The following ZZEF1 variants were observed in gnomAD, a reference collection of about 807,000 sequenced individuals.
ZZEF1 encodes zinc finger ZZ-type and EF-hand domain-containing protein 1.
In ZZEF1, 157 loss-of-function variants were observed where a neutral mutation model predicts 342.8. That is an observed-to-expected ratio of 0.46 (90% CI 0.40 to 0.52). The LOEUF (loss-of-function observed/expected upper bound fraction) is 0.52. ZZEF1 is among the 20% of genes least tolerant of loss of function. The pLI, the probability that ZZEF1 is intolerant of heterozygous loss-of-function variation, is 0.00. For missense variants in ZZEF1, 3,480 were observed against 3,725.6 expected, an observed-to-expected ratio of 0.93 and a Z score of 1.72; for synonymous variants, 1,505 against 1,429.1, an observed-to-expected ratio of 1.05 and a Z score of -1.20.
intron 11 of ZZEF1, 135 bp from the exon 12 acceptor site, chr17:4,090,965 C>T (rs1444871348): frequency 4.5e-6 from 3 of 670,054 alleles, no homozygotes; most frequent in South Asian, 1.7e-5. Context: ...GACTATGGTA[C>T]ATGGTACCCT....
intron 24 of ZZEF1, among the ~76,000 whole-genome samples, chr17:4,073,798 A>G (rs1428182114): frequency 2.0e-5 from 3 of 152,130 alleles, no homozygotes; most frequent in Admixed American, 6.5e-5. Context: ...ATTTACATAA[A>G]TATTCACATA....
rs2058007131 is a variant in ZZEF1 at position 4,094,919 on chromosome 17, C to T, written c.1913+912G>A. The stretch of plus-strand genomic sequence containing the variant: ...TTGCTCTCCTCCAGTCCATACTACA[C>T]ACAACATGATCCTGACCAGTGCTTC... On this transcript the variant is annotated intron_variant, in intron 11 of 54. Coordinates refer to ENST00000381638, the MANE Select transcript of ZZEF1 (RefSeq NM_015113.4). Among the ~76,000 whole-genome samples, 4 of 152,200 alleles carry T rather than the reference C, an allele frequency of 2.6e-5. 1 individual carries two copies. The highest frequency in any genetic ancestry group is 2.6e-4 in the Admixed American group (4 of 15,278).
At position 4,011,711 on chromosome 17, in the gene ZZEF1, A is replaced by T. The variant is rs529396361; in HGVS notation, c.8579+1738T>A. ...TGGATTTTGCTTTTTTTTAAAAAAAATTGCTTTTTCTCTTATGACTTGAAA... is the reference window on the plus strand; with the variant it reads ...TGGATTTTGCTTTTTTTTAAAAAAATTTGCTTTTTCTCTTATGACTTGAAA... On this transcript the variant is annotated intron_variant, in intron 52 of 54. Coordinates refer to ENST00000381638, the MANE Select transcript of ZZEF1 (RefSeq NM_015113.4). Among the ~76,000 whole-genome samples, 1,045 of 152,262 alleles carry T rather than the reference A, an allele frequency of 6.9e-3. 11 individuals carry two copies. Among genetic ancestry groups the T allele is most frequent in the African/African-American group, 0.024 (991 of 41,556 alleles).
chr17:4,106,840 T>G (rs1410082257), intron 6 of ZZEF1, among the ~76,000 whole-genome samples: 1 of 152,206 alleles, frequency 6.6e-6, no homozygotes, highest in African/African-American at 2.4e-5. Flanking sequence ...TAACTCAAAA[T>G]TCTACAACTG....
In ZZEF1 at chr17:4,088,961, AAG is replaced by A. The variant is rs2057893674; in HGVS notation, c.2026-70_2026-69del. 9.3e-6 allele frequency: 14 copies of A among 1,503,086 alleles called. No homozygotes were observed. In the South Asian group the frequency reaches 1.7e-4, roughly 18 times the overall value. The allele number at this position is 1,503,086 out of a possible 1,614,324, so 93.1% of individuals were successfully genotyped here. ...CCTGAATATTGATTAAAGAGGGAAA[AAG>A]GCCTTTCCGGGAAGGTCTTCCTATG... On this transcript the variant is annotated intron_variant, in intron 12 of 54. Transcript: ENST00000381638.
chr17:4,136,605 G>A (rs2058753170), intron 1 of ZZEF1, among the ~76,000 whole-genome samples: 1 of 152,142 alleles, frequency 6.6e-6, no homozygotes, highest in African/African-American at 2.4e-5. Context: ...AGCAGAATGA[G>A]CAGACTCATA....
intron 15 of ZZEF1, among the ~76,000 whole-genome samples, chr17:4,086,107 C>T (rs950875256): frequency 2.6e-5 from 4 of 152,178 alleles, no homozygotes; most frequent in Non-Finnish European, 4.4e-5. Flanking sequence ...ATCTATCAGC[C>T]TCATCTGAGT....
chr17:4,007,513 G>T (rs990366272), intron 54 of ZZEF1, among the ~76,000 whole-genome samples: 22 of 152,182 alleles, frequency 1.4e-4, no homozygotes, highest in Non-Finnish European at 2.8e-4. Flanking sequence ...GGCTGTGGGG[G>T]GGGTCAGAAG....
intron 37 of ZZEF1, among the ~76,000 whole-genome samples, chr17:4,045,311 G>T (rs1324754763): frequency 6.6e-6 from 1 of 152,130 alleles, no homozygotes; most frequent in Non-Finnish European, 1.5e-5. Context: ...GTTCCCAGAG[G>T]AAAAAGACAA....
Position 4,117,480 on chromosome 17 carries a change from T to C in ZZEF1, c.500-314A>G, listed in dbSNP as rs147137435. Among the ~76,000 whole-genome samples the C allele has an allele frequency of 2.2e-4, 34 of 152,004 alleles. 1 individual carries two copies. The East Asian group carries it at 4.1e-3, about 18-fold the overall frequency. On this transcript the variant is annotated intron_variant, in intron 2 of 54. Transcript: ENST00000381638. The stretch of plus-strand genomic sequence containing the variant: ...GGCCAACATGGTGAAACCCCATCTC[T>C]ACTAAAAATACAAAAAAGTTAGCTG...
At chr17:4,019,528 G>A (rs1453592527) in intron 46 of ZZEF1, 141 bp downstream of exon 46, 11 of 675,070 alleles carry the variant, frequency 1.6e-5, no homozygotes, top group South Asian at 3.6e-5. Flanking sequence ...CTCCCACCTC[G>A]CCTTACAAAG....
chr17:4,017,759 G>T lies in ZZEF1; in HGVS notation c.7642-29C>A. 1 of 1,612,828 alleles carries T rather than the reference G, an allele frequency of 6.2e-7. No homozygotes were observed. ...CAAACCCAAGACCACCATTACAGAG[G>T]TCTAGCCTTCTTACAGTGGTGGTAT... On this transcript the variant is annotated intron_variant, in intron 47 of 54. Coordinates refer to ENST00000381638, the MANE Select transcript of ZZEF1 (RefSeq NM_015113.4). This position sits in a 1 kb window ranked among gnomAD's most constrained non-coding sequence, Gnocchi z 5.1.
chr17:4,115,684 T>TA (rs2058383009), intron 3 of ZZEF1, among the ~76,000 whole-genome samples: 1 of 152,040 alleles, frequency 6.6e-6, no homozygotes, highest in African/African-American at 2.4e-5. Context: ...TAAAATAAAA[T>TA]AAATAAACTA....
intron 42 of ZZEF1, among the ~76,000 whole-genome samples, chr17:4,029,874 C>CAAAAAAAA (rs58293642): frequency 1.2e-5 from 1 of 82,278 alleles, no homozygotes. Context: ...AACTCCATCT[C>CAAAAAAAA]AAAAAAAAAA....
At position 4,143,005 on chromosome 17, in the gene ZZEF1, G is replaced by A; in HGVS notation, c.-110C>T. 2 of 1,268,396 alleles carry A rather than the reference G, an allele frequency of 1.6e-6. No homozygotes were observed. Among genetic ancestry groups the A allele is most frequent in the Non-Finnish European group, 2.0e-6 (2 of 1,011,812 alleles). 78.6% of individuals were successfully genotyped at this position (1,268,396 alleles called of 1,614,324 possible). On this transcript the variant is annotated 5_prime_UTR_variant, in exon 1 of 55. Coordinates refer to ENST00000381638, the MANE Select transcript of ZZEF1 (RefSeq NM_015113.4). ...GGGCGGGGACGCGGAGGAGACGACG[G>A]CGGCCCCTGCGGCTTCCGGCTTCCT...
intron 37 of ZZEF1, among the ~76,000 whole-genome samples, chr17:4,046,995 T>A (rs1031107244): frequency 3.9e-5 from 6 of 152,188 alleles, no homozygotes; most frequent in African/African-American, 7.2e-5. Context: ...ATGGCCACTG[T>A]AGTGGCAACA....
intron 42 of ZZEF1, among the ~76,000 whole-genome samples, chr17:4,028,324 G>A (rs369749441): frequency 2.6e-5 from 4 of 152,110 alleles, no homozygotes; most frequent in African/African-American, 7.2e-5. Context: ...CAAGGCAGGC[G>A]AATCACCTGA....
At chr17:4,059,515 ATTAT>A (rs529878788) in intron 30 of ZZEF1, among the ~76,000 whole-genome samples, 1 of 152,108 alleles carries the variant, frequency 6.6e-6, no homozygotes, top group Non-Finnish European at 1.5e-5. Context: ...TGGAGATGAG[ATTAT>A]TTATCTTCTT....
At chr17:4,083,743 T>C (rs1775077824) in intron 16 of ZZEF1, among the ~76,000 whole-genome samples, 1 of 151,516 alleles carries the variant, frequency 6.6e-6, no homozygotes, top group Non-Finnish European at 1.5e-5. Flanking sequence ...GTTCAAGCAA[T>C]TCTCCTGCTT....
Sources: gnomAD v4.1 joint callset for allele counts (sites outside exome capture counted in the v4.1 genomes callset) on GRCh38, gnomAD v4.1.1 for gene constraint, Gnocchi (gnomAD v3.1) non-coding constraint, MANE v1.5 for transcripts, NCBI Gene and HGNC (gene_info 2026-07-23, HGNC 2026-07-21) for gene names.